The following SETDB2 variants were observed in gnomAD, a reference collection of about 807,000 sequenced individuals.
The protein encoded by SETDB2 is SET domain bifurcated histone lysine methyltransferase 2.
SETDB2 carries 56 observed loss-of-function variants against 82.5 expected under a neutral mutation model. The observed-to-expected ratio is 0.68, with a 90% confidence interval of 0.55 to 0.85. The LOEUF (loss-of-function observed/expected upper bound fraction) is 0.85. SETDB2 is among the 40% of genes least tolerant of loss of function. The pLI, the probability that SETDB2 is intolerant of heterozygous loss-of-function variation, is 0.00. For synonymous variants in SETDB2, 272 were observed against 284.9 expected, an observed-to-expected ratio of 0.95 and a Z score of 0.46; for missense variants, 677 against 816.4, an observed-to-expected ratio of 0.83 and a Z score of 2.08.
intron 2 of SETDB2, among the ~76,000 whole-genome samples, chr13:49,457,435 C>CTTT (rs34354093): frequency 2.0e-5 from 2 of 98,020 alleles, no homozygotes; most frequent in Non-Finnish European, 3.9e-5. Flanking sequence ...ATTTCTAAGA[C>CTTT]TTTTTTTTTT....
intron 1 of SETDB2, among the ~76,000 whole-genome samples, chr13:49,451,314 C>T (rs1276380799): frequency 1.3e-5 from 2 of 150,918 alleles, no homozygotes; most frequent in East Asian, 3.9e-4. Flanking sequence ...AATATAAATA[C>T]AAATATATTA....
chr13:49,461,360 A>G (rs1298108651), intron 4 of SETDB2, among the ~76,000 whole-genome samples, 198 bp downstream of exon 4: 1 of 152,262 alleles, frequency 6.6e-6, no homozygotes, highest in Non-Finnish European at 1.5e-5. Context: ...TGCACATCCA[A>G]CTAAGCAGCC....
chr13:49,448,046 A>G (rs1416741194), intron 1 of SETDB2, among the ~76,000 whole-genome samples: 1 of 152,048 alleles, frequency 6.6e-6, no homozygotes, highest in African/African-American at 2.4e-5. Context: ...GTAGCTTCCC[A>G]TATTTTTCCT....
chr13:49,461,167 G>A lies in SETDB2; in HGVS notation c.208+5G>A, dbSNP rs1957985230. ...ACAGTTCAACATCAATAAAGGGTAT[G>A]TACATCTCTATTCCCATTGTAGAGT... On this transcript the variant is annotated splice_donor_5th_base_variant and intron_variant, in intron 4 of 13. Transcript: ENST00000611815. 6.3e-7 allele frequency: 1 copy of A among 1,584,306 alleles called. No individual in the cohort carries two copies. The highest frequency in any genetic ancestry group is 8.7e-7 in the Non-Finnish European group (1 of 1,154,424).
At chr13:49,482,544 T>C (rs1958500155) in intron 8 of SETDB2, among the ~76,000 whole-genome samples, 193 bp from the exon 9 acceptor site, 1 of 152,174 alleles carries the variant, frequency 6.6e-6, no homozygotes, top group Non-Finnish European at 1.5e-5. Context: ...GATACCCTGT[T>C]TTTTCATATA....
chr13:49,490,552 C>T (rs1958691944), intron 12 of SETDB2, among the ~76,000 whole-genome samples: 1 of 152,088 alleles, frequency 6.6e-6, no homozygotes, highest in East Asian at 1.9e-4. Flanking sequence ...AATCAAAAGA[C>T]AAATGCATTT....
At chr13:49,481,163 T>C in intron 8 of SETDB2, 47 bp downstream of exon 8, 15 of 1,561,752 alleles carry the variant, frequency 9.6e-6, no homozygotes, top group Non-Finnish European at 9.6e-6. Context: ...AGAATCCACT[T>C]TTCTAAATAT....
intron 3 of SETDB2, among the ~76,000 whole-genome samples, chr13:49,460,828 C>G (rs538802227): frequency 6.6e-6 from 1 of 152,102 alleles, no homozygotes; most frequent in Non-Finnish European, 1.5e-5. Context: ...AAAATTGGCA[C>G]TGTTTTTCAT....
chr13:49,462,278 C>A (rs1958011390), intron 4 of SETDB2, among the ~76,000 whole-genome samples: 2 of 152,176 alleles, frequency 1.3e-5, no homozygotes, highest in Non-Finnish European at 2.9e-5. Flanking sequence ...TCAGAAGTGC[C>A]TTGGTCTTTC....
intron 6 of SETDB2, among the ~76,000 whole-genome samples, chr13:49,478,803 G>A (rs1958422061): frequency 6.6e-6 from 1 of 152,106 alleles, no homozygotes; most frequent in South Asian, 2.1e-4. Context: ...GGACGCCCTT[G>A]TAGTCCCAGC....
chr13:49,450,897 TAATC>T (rs1171838090), intron 1 of SETDB2, among the ~76,000 whole-genome samples: 1 of 151,298 alleles, frequency 6.6e-6, no homozygotes, highest in Non-Finnish European at 1.5e-5. Flanking sequence ...TACTAAAAAT[TAATC>T]TATAAAGGAA....
chr13:49,458,168 C>T (rs1362278355), intron 2 of SETDB2, among the ~76,000 whole-genome samples: 10 of 152,196 alleles, frequency 6.6e-5, no homozygotes, highest in South Asian at 2.1e-4. Context: ...ACTGCAGCCT[C>T]GAACTCCTGG....
intron 1 of SETDB2, among the ~76,000 whole-genome samples, chr13:49,449,955 T>C (rs769949339): frequency 6.6e-6 from 1 of 152,214 alleles, no homozygotes; most frequent in Admixed American, 6.5e-5. Flanking sequence ...CTTTTTTTCA[T>C]CTTTAGTATG....
rs750577731 is a variant in SETDB2 at position 49,480,198 on chromosome 13, C to T, written c.870-21C>T. On this transcript the variant is annotated intron_variant, in intron 6 of 13. Transcript: ENST00000611815. ...ACTTGCTGCTTTTTCATTCTTTCTC[C>T]ATCCATTGCCTGCCTTTTAGAACAA... The T allele has an allele frequency of 5.9e-5, 88 of 1,497,360 alleles. No individual in the cohort carries two copies. The East Asian group carries it at 1.8e-3, about 31-fold the overall frequency. 92.8% of individuals were successfully genotyped at this position (1,497,360 alleles called of 1,614,324 possible). A position where few individuals can be genotyped will look rare whatever the true frequency, so the allele number is the denominator to read the frequency against.
intron 11 of SETDB2, among the ~76,000 whole-genome samples, chr13:49,486,062 C>T (rs1043642465): frequency 7.2e-5 from 11 of 152,074 alleles, no homozygotes; most frequent in Non-Finnish European, 1.3e-4. Flanking sequence ...AGCTCACGCC[C>T]GTAATCTTAG....
At position 49,477,048 on chromosome 13, in the gene SETDB2, A is replaced by G. The variant is rs573839040; in HGVS notation, c.869+9A>G. 1.4e-5 allele frequency: 21 copies of G among 1,554,960 alleles called. No individual in the cohort carries two copies. The highest frequency in any genetic ancestry group is 1.6e-5 in the Non-Finnish European group (19 of 1,160,070). On this transcript the variant is annotated intron_variant, in intron 6 of 13. Coordinates refer to ENST00000611815, the MANE Select transcript of SETDB2 (RefSeq NM_001160308.3). ...GAGGGCTGCATAGACATGTGAGTAG[A>G]AAAACATGGCGTTTCAAAAAAATCT...
At chr13:49,480,514 C>T (rs909206718) in intron 7 of SETDB2, among the ~76,000 whole-genome samples, 179 bp downstream of exon 7, 3 of 152,100 alleles carry the variant, frequency 2.0e-5, no homozygotes, top group African/African-American at 7.2e-5. Context: ...AGTCAGAGAC[C>T]ACACATACAT....
At chr13:49,473,430 C>T (rs1002272009) in intron 5 of SETDB2, among the ~76,000 whole-genome samples, 3 of 151,544 alleles carry the variant, frequency 2.0e-5, no homozygotes, top group Non-Finnish European at 2.9e-5. Flanking sequence ...GCATGCCTTT[C>T]GTCCCAGCTA....
intron 2 of SETDB2, among the ~76,000 whole-genome samples, chr13:49,456,216 C>T (rs372221146): frequency 6.6e-6 from 1 of 152,102 alleles, no homozygotes; most frequent in Admixed American, 6.5e-5. Flanking sequence ...AAGCCCCTTA[C>T]TACATATGTT....
Sources: gnomAD v4.1 joint callset for allele counts (sites outside exome capture counted in the v4.1 genomes callset) on GRCh38, gnomAD v4.1.1 for gene constraint, MANE v1.5 for transcripts, NCBI Gene and HGNC (gene_info 2026-07-23, HGNC 2026-07-21) for gene names.